Variants in BSPRY observed in about 807,000 individuals in gnomAD.
BSPRY encodes the protein B box and SPRY domain-containing protein.
A neutral mutation model predicts 38.0 loss-of-function variants in BSPRY; 33 were observed. The observed-to-expected ratio is 0.87, with a 90% CI of 0.66 to 1.16. The LOEUF is 1.16. BSPRY is among the 50% of genes most tolerant of loss of function. The pLI, the probability that BSPRY is intolerant of heterozygous loss-of-function variation, is 0.00. For synonymous variants in BSPRY, 224 were observed against 228.5 expected (o/e 0.98, Z 0.18); for missense variants, 523 against 533.2 (o/e 0.98, Z 0.19).
At chr9:113,365,495 C>T (rs928521335) in intron 4 of BSPRY, among the ~76,000 whole-genome samples, 8 of 152,316 alleles carry the variant, frequency 5.3e-5, no homozygotes, top group African/African-American at 1.9e-4. Context: ...AAGTTCCCAT[C>T]ATTCTTTGAG....
chr9:113,360,447 C>A, intron 2 of BSPRY, 60 bp from the exon 3 acceptor site: 2 of 1,513,956 alleles, frequency 1.3e-6, no homozygotes, highest in Non-Finnish European at 1.8e-6. Flanking sequence ...CCTAAACCCT[C>A]TTAAATCCTG....
intron 3 of BSPRY, among the ~76,000 whole-genome samples, chr9:113,361,210 A>G (rs191807798): frequency 6.6e-6 from 1 of 152,282 alleles, no homozygotes; most frequent in Non-Finnish European, 1.5e-5. Flanking sequence ...CGCTGTATTC[A>G]GAGTTGAACC....
Position 113,354,317 on chromosome 9 carries a change from G to A in BSPRY, c.279G>A (p.Pro93=), listed in dbSNP as rs780185557. ...AITKYVADVL[P]GKNQRAVSMA... is the part of the protein sequence containing the mutation. ...CCAAGTATGTGGCGGACGTCCTGCC[G>A]GGGAAGAATCAAAGAGCAGTGGTAA... Residue 93 remains proline, a synonymous_variant, in exon 2 of 6, where the codon CCG becomes CCA. Transcript: ENST00000374183. 30 of 1,613,886 alleles carry A rather than the reference G, an allele frequency of 1.9e-5. No individual in the cohort carries two copies. The highest frequency in any genetic ancestry group is 1.6e-4 in the Middle Eastern group (1 of 6,084).
chr9:113,364,061 C>G (rs1182789448), intron 4 of BSPRY, among the ~76,000 whole-genome samples: 1 of 151,710 alleles, frequency 6.6e-6, no homozygotes, highest in African/African-American at 2.4e-5. Flanking sequence ...TAGCGTACCC[C>G]TGTAATCTCA....
chr9:113,351,341 A>G (rs1370757619), intron 1 of BSPRY, among the ~76,000 whole-genome samples: 1 of 152,042 alleles, frequency 6.6e-6, no homozygotes, highest in Admixed American at 6.6e-5. Flanking sequence ...TCCTCTATCC[A>G]TCCAGTCAGC....
At chr9:113,364,970 T>C (rs1834224229) in intron 4 of BSPRY, among the ~76,000 whole-genome samples, 1 of 152,010 alleles carries the variant, frequency 6.6e-6, no homozygotes, top group Non-Finnish European at 1.5e-5. Context: ...TTTTTAACAT[T>C]TTTAAAGAGT....
chr9:113,350,793 C>A (rs1438319020), intron 1 of BSPRY, among the ~76,000 whole-genome samples: 1 of 152,138 alleles, frequency 6.6e-6, no homozygotes, highest in East Asian at 1.9e-4. Flanking sequence ...TACCTGTTAC[C>A]TCTATCAACA....
chr9:113,362,410 G>A lies in BSPRY; in HGVS notation c.557+16G>A, dbSNP rs188393511. 228 of 1,613,680 alleles carry A rather than the reference G, an allele frequency of 1.4e-4. 1 individual carries two copies. In the African/African-American group the frequency reaches 1.9e-3, roughly 13 times the overall value. On this transcript the variant is annotated intron_variant, in intron 4 of 5. Transcript: ENST00000374183. ...TTTTCGAGAGGTGAGTATAGACCCCGTGATTTGACTGGGTAGTCTTGGAGA... is the reference window on the plus strand; with the variant it reads ...TTTTCGAGAGGTGAGTATAGACCCCATGATTTGACTGGGTAGTCTTGGAGA...
chr9:113,360,598 A>C lies in BSPRY; in HGVS notation c.392A>C (p.Gln131Pro). 6.2e-7 allele frequency: 1 copy of C among 1,609,302 alleles called. No homozygotes were observed. The highest frequency in any genetic ancestry group is 1.1e-5 in the South Asian group (1 of 89,854). ...CESEEQRLLE[Q>P]VHGEEERAHQ... The stretch of plus-strand genomic sequence containing the variant: ...AGCGAGGAGCAGCGGTTACTGGAAC[A>C]GGTGCATGGCGAAGAGGAGCGGGCC... Residue 131 changes from glutamine (Q) to proline (P), a missense_variant, in exon 3 of 6, where the codon CAG becomes CCG. Coordinates refer to ENST00000374183, the MANE Select transcript of BSPRY (RefSeq NM_017688.3).
chr9:113,352,777 G>A (rs1833992641), intron 1 of BSPRY, among the ~76,000 whole-genome samples: 1 of 152,168 alleles, frequency 6.6e-6, no homozygotes, highest in Admixed American at 6.6e-5. Context: ...GGTTGGGGGT[G>A]CAGGGTACCC....
chr9:113,360,100 A>G (rs1003753181), intron 2 of BSPRY, among the ~76,000 whole-genome samples: 29 of 152,070 alleles, frequency 1.9e-4, no homozygotes, highest in African/African-American at 7.0e-4. Flanking sequence ...CAACTGTACC[A>G]CTGCTGGTAT....
chr9:113,370,248 A>G lies in BSPRY; in HGVS notation c.*106A>G. The G allele has an allele frequency of 2.9e-5, 40 of 1,367,946 alleles. No individual in the cohort carries two copies. Among genetic ancestry groups the G allele is most frequent in the Non-Finnish European group, 3.8e-5 (38 of 1,010,876 alleles). 84.7% of individuals were successfully genotyped at this position (1,367,946 alleles called of 1,614,324 possible). A position where few individuals can be genotyped will look rare whatever the true frequency, so the allele number is the denominator to read the frequency against. ...TGTGTGTGGTGTTTCTAAGAGAAAC[A>G]GGGCCCATAACCAGTGGGCAGCTTT... On this transcript the variant is annotated 3_prime_UTR_variant, in exon 6 of 6. Transcript: ENST00000374183. The surrounding 1 kb of genome is among the most constrained non-coding windows in gnomAD (Gnocchi z 4.8).
Position 113,370,036 on chromosome 9 carries a change from A to G in BSPRY, c.1103A>G (p.Tyr368Cys), listed in dbSNP as rs1834319359. The G allele has an allele frequency of 6.2e-7, 1 of 1,614,146 alleles. No homozygotes were observed. The highest frequency in any genetic ancestry group is 8.5e-7 in the Non-Finnish European group (1 of 1,180,030). Reference protein sequence around the residue: ...LDLQVQELLFYEPASGTVLCA... With the variant: ...LDLQVQELLFCEPASGTVLCA... ...TTGCAGGTTCAGGAGCTGCTCTTCT[A>G]TGAGCCAGCCTCCGGCACAGTGCTC... Residue 368 changes from tyrosine to cysteine, a missense_variant, in exon 6 of 6, where the codon TAT (tyrosine) becomes TGT (cysteine). Coordinates refer to ENST00000374183, the MANE Select transcript of BSPRY (RefSeq NM_017688.3). This position sits in a 1 kb window ranked among gnomAD's most constrained non-coding sequence, Gnocchi z 4.8.
At chr9:113,367,561 A>G (rs1166229419) in intron 4 of BSPRY, among the ~76,000 whole-genome samples, 1 of 152,194 alleles carries the variant, frequency 6.6e-6, no homozygotes, top group Non-Finnish European at 1.5e-5. Context: ...TTTCCAGGCA[A>G]GGGCAAGATG....
chr9:113,355,255 C>T (rs368179326), intron 2 of BSPRY, among the ~76,000 whole-genome samples: 2 of 152,322 alleles, frequency 1.3e-5, no homozygotes, highest in South Asian at 2.1e-4. Flanking sequence ...TTTCTTTCTG[C>T]ATATCCCCTC....
chr9:113,368,552 G>A (rs896170523), intron 5 of BSPRY, among the ~76,000 whole-genome samples, 169 bp downstream of exon 5: 4 of 152,200 alleles, frequency 2.6e-5, no homozygotes, highest in Non-Finnish European at 5.9e-5. Context: ...CAGGCCTGGG[G>A]CAGCTGGGCC....
chr9:113,352,812 C>T (rs1261567845), intron 1 of BSPRY, among the ~76,000 whole-genome samples: 1 of 151,984 alleles, frequency 6.6e-6, no homozygotes, highest in Non-Finnish European at 1.5e-5. Flanking sequence ...AACAGTGGTT[C>T]CTGTGAGAGA....
chr9:113,369,974 G>C lies in BSPRY; in HGVS notation c.1041G>C (p.Leu347=). 6.2e-7 allele frequency: 1 copy of C among 1,614,156 alleles called. No individual in the cohort carries two copies. The change falls in exon 6 of 6, where the codon CTG becomes CTC. Residue 347 remains leucine (L), a synonymous_variant. Coordinates refer to ENST00000374183, the MANE Select transcript of BSPRY (RefSeq NM_017688.3). ...SHNGQHEPLG[L]LRGPAQLGVV... is the part of the protein sequence containing the mutation. ...ATGGGCAGCACGAGCCCCTGGGGCT[G>C]CTGCGGGGCCCAGCCCAGCTGGGTG...
chr9:113,349,984 C>T (rs1011932823), intron 1 of BSPRY, among the ~76,000 whole-genome samples: 7 of 152,180 alleles, frequency 4.6e-5, no homozygotes, highest in African/African-American at 1.7e-4. Flanking sequence ...CGAATCTACT[C>T]CCTGTGAGTC....
Sources: allele counts gnomAD v4.1 joint callset (sites outside exome capture counted in the v4.1 genomes callset), GRCh38; gene constraint gnomAD v4.1.1; non-coding constraint Gnocchi (gnomAD v3.1); transcripts MANE v1.5; gene names NCBI Gene and HGNC (gene_info 2026-07-23, HGNC 2026-07-21).